The following SLCO6A1 variants were observed in gnomAD, a reference collection of about 807,000 sequenced individuals.
SLCO6A1 encodes the protein cancer/testis antigen 48.
A neutral mutation model predicts 72.7 loss-of-function variants in SLCO6A1; 65 were observed. That is an observed-to-expected ratio of 0.89 (90% CI 0.73 to 1.10). The LOEUF (loss-of-function observed/expected upper bound fraction) is 1.10. Among genes scored for constraint, SLCO6A1 ranks in the 50% least tolerant of loss-of-function variants. The probability of loss-of-function intolerance (pLI) is 0.00; values close to 1 mark genes in which losing one functional copy is unlikely to be tolerated. For synonymous variants in SLCO6A1, 314 were observed against 298.2 expected (o/e 1.05, Z -0.55); for missense variants, 874 against 872.6 (o/e 1.00, Z -0.02).
intron 6 of SLCO6A1, among the ~76,000 whole-genome samples, chr5:102,457,225 T>A (rs1211314781): frequency 6.6e-6 from 1 of 152,092 alleles, no homozygotes; most frequent in African/African-American, 2.4e-5. Flanking sequence ...CGAAAAGCAA[T>A]GGCAACAAAA....
Position 102,438,722 on chromosome 5 carries a change from A to G in SLCO6A1, c.1171T>C (p.Ser391Pro), listed in dbSNP as rs1255591164. The G allele has an allele frequency of 1.2e-5, 19 of 1,591,110 alleles. No individual in the cohort carries two copies. Among genetic ancestry groups the G allele is most frequent in the Non-Finnish European group, 1.5e-5 (17 of 1,170,632 alleles). ...ATAACTAAATATTCTGTAGCTTTTG[A>G]CAGAGCTAGGCATATGAGCACTGGA... Reference protein sequence around the residue: ...KNPVLICLALSKATEYLVIIG... With the variant: ...KNPVLICLALPKATEYLVIIG... Residue 391 changes from serine (S) to proline (P), a missense_variant, in exon 7 of 14, where the codon TCA (serine) becomes CCA (proline). Physicochemically the swap from Ser to Pro is moderately conservative, Grantham distance 74 (BLOSUM62 -1). Coordinates refer to ENST00000506729, the MANE Select transcript of SLCO6A1 (RefSeq NM_173488.5).
At chr5:102,435,271 G>A (rs565525696) in intron 7 of SLCO6A1, among the ~76,000 whole-genome samples, 1 of 152,174 alleles carries the variant, frequency 6.6e-6, no homozygotes, top group East Asian at 1.9e-4. Context: ...GCTTGTGGGT[G>A]GTACTCTGGA....
At chr5:102,448,456 A>T (rs1750235788) in intron 6 of SLCO6A1, among the ~76,000 whole-genome samples, 1 of 152,056 alleles carries the variant, frequency 6.6e-6, no homozygotes, top group Non-Finnish European at 1.5e-5. Flanking sequence ...TCTGTCCAAT[A>T]CTGTCAGTGG....
intron 7 of SLCO6A1, among the ~76,000 whole-genome samples, chr5:102,432,201 C>G (rs2112658150): frequency 6.6e-6 from 1 of 152,182 alleles, no homozygotes; most frequent in Middle Eastern, 3.4e-3. Flanking sequence ...GCTTGCCACT[C>G]TGTCTTTTCA....
In SLCO6A1 at chr5:102,427,864, ATTTTTT is replaced by A. The variant is rs1200200259; in HGVS notation, c.1277-7849_1277-7844del. Among the ~76,000 whole-genome samples the A allele has an allele frequency of 8.6e-3, 653 of 76,212 alleles. 1 individual carries two copies. The highest frequency in any genetic ancestry group is 0.037 in the African/African-American group (633 of 17,042). 50.0% of individuals were successfully genotyped at this position (76,212 alleles called of 152,430 possible). On this transcript the variant is annotated intron_variant, in intron 7 of 13. Transcript: ENST00000506729. ...TGTATACATATATATATATATATAT[ATTTTTT>A]TTTTTTTTTTTTTTTTTGAGACCGA...
At chr5:102,390,098 T>G (rs929771503) in intron 11 of SLCO6A1, among the ~76,000 whole-genome samples, 5 of 152,158 alleles carry the variant, frequency 3.3e-5, no homozygotes, top group African/African-American at 9.7e-5. Flanking sequence ...TAAAATTATC[T>G]GGCAGAAAAA....
At chr5:102,413,235 C>T (rs776240108) in intron 8 of SLCO6A1, 92 bp from the exon 9 acceptor site, 162 of 1,238,576 alleles carry the variant, frequency 1.3e-4, no homozygotes, top group Non-Finnish European at 1.6e-4. Flanking sequence ...ATAAAATATG[C>T]TTATTGAAAT....
At chr5:102,401,419 T>TAAATGATA (rs962015463) in intron 9 of SLCO6A1, among the ~76,000 whole-genome samples, 69 of 152,260 alleles carry the variant, frequency 4.5e-4, no homozygotes, top group African/African-American at 1.6e-3. Flanking sequence ...GATGGATATA[T>TAAATGATA]AAATGATATA....
intron 6 of SLCO6A1, among the ~76,000 whole-genome samples, chr5:102,443,202 A>C (rs187582732): frequency 6.2e-4 from 95 of 152,276 alleles, no homozygotes; most frequent in Admixed American, 4.1e-3. Flanking sequence ...ATCTCAAAAA[A>C]AGACGGAAAA....
chr5:102,452,715 A>G (rs1561473583), intron 6 of SLCO6A1, among the ~76,000 whole-genome samples: 2 of 152,172 alleles, frequency 1.3e-5, no homozygotes, highest in Non-Finnish European at 2.9e-5. Flanking sequence ...AAAAATAGCT[A>G]GTTTTTTGTC....
chr5:102,382,593 ATT>A, intron 12 of SLCO6A1, among the ~76,000 whole-genome samples: 1 of 151,590 alleles, frequency 6.6e-6, no homozygotes, highest in South Asian at 2.1e-4. Context: ...CATGTTAACA[ATT>A]TTAATTCTCC....
chr5:102,459,859 G>A (rs1029973572), intron 4 of SLCO6A1, 82 bp from the exon 5 acceptor site: 1 of 1,203,356 alleles, frequency 8.3e-7, no homozygotes, highest in African/African-American at 1.6e-5. Flanking sequence ...AGTGGAGAAA[G>A]TGAGAGTGAG....
rs183060000 is a variant in SLCO6A1 at position 102,468,265 on chromosome 5, T to G, written c.899+7432A>C. On this transcript the variant is annotated intron_variant, in intron 4 of 13. Transcript: ENST00000506729. The stretch of plus-strand genomic sequence containing the variant: ...TTTGTGGCCTATCATACAGTCTATC[T>G]TGGAGAATGTTCCATGTGCTGAGGA... Among the ~76,000 whole-genome samples, 834 of 152,234 alleles carry G rather than the reference T, an allele frequency of 5.5e-3. 4 individuals carry two copies. Among genetic ancestry groups the G allele is most frequent in the African/African-American group, 0.019 (801 of 41,542 alleles).
At chr5:102,390,427 C>G (rs1220760399) in intron 11 of SLCO6A1, among the ~76,000 whole-genome samples, 7 of 152,098 alleles carry the variant, frequency 4.6e-5, no homozygotes, top group Non-Finnish European at 7.4e-5. Context: ...AAATTATATG[C>G]CTTTCAGTCT....
chr5:102,498,977 A>G lies in SLCO6A1; in HGVS notation c.-133T>C. ...GGCCACAAGGGGCTCTTGCCGCCCA[A>G]GCCTCCAGAGCGAACGTTTCTCCTA... is the stretch of plus-strand genomic sequence containing the variant. On this transcript the variant is annotated 5_prime_UTR_variant, in exon 1 of 14. Transcript: ENST00000506729. 1.2e-6 allele frequency: 1 copy of G among 814,318 alleles called. No homozygotes were observed. The highest frequency in any genetic ancestry group is 2.0e-6 in the Non-Finnish European group (1 of 512,778). The allele number at this position is 814,318 out of a possible 1,614,324, so 50.4% of individuals were successfully genotyped here. A position where few individuals can be genotyped will look rare whatever the true frequency, so the allele number is the denominator to read the frequency against.
chr5:102,438,806 A>G, intron 6 of SLCO6A1, 45 bp from the exon 7 acceptor site: 1 of 1,348,844 alleles, frequency 7.4e-7, no homozygotes, highest in East Asian at 2.7e-5. Context: ...ATTTTGTTAG[A>G]TAAAGAGGAA....
At chr5:102,383,110 AGT>A (rs1746217182) in intron 12 of SLCO6A1, among the ~76,000 whole-genome samples, 1 of 148,316 alleles carries the variant, frequency 6.7e-6, no homozygotes, top group Non-Finnish European at 1.5e-5. Flanking sequence ...ATATATATAT[AGT>A]GTTTTATATA....
At chr5:102,417,070 T>C (rs753809994) in intron 8 of SLCO6A1, among the ~76,000 whole-genome samples, 3 of 152,244 alleles carry the variant, frequency 2.0e-5, no homozygotes, top group African/African-American at 4.8e-5. Flanking sequence ...GTATTCCTGA[T>C]GAATTGGTAA....
At chr5:102,437,694 A>T (rs527284578) in intron 7 of SLCO6A1, among the ~76,000 whole-genome samples, 7 of 152,108 alleles carry the variant, frequency 4.6e-5, no homozygotes, top group Non-Finnish European at 5.9e-5. Flanking sequence ...GTTTAGATTT[A>T]TACTCAGGAT....
Sources: gnomAD v4.1 joint callset for allele counts (sites outside exome capture counted in the v4.1 genomes callset) on GRCh38, gnomAD v4.1.1 for gene constraint, MANE v1.5 for transcripts, NCBI Gene and HGNC (gene_info 2026-07-23, HGNC 2026-07-21) for gene names.